ADK: variants seen among roughly 807,000 people sequenced by gnomAD.
The protein encoded by ADK is adenosine kinase.
ADK carries 24 observed loss-of-function variants against 44.7 expected under a neutral mutation model. That is an observed-to-expected ratio of 0.54 (90% CI 0.39 to 0.76). The LOEUF is 0.76. Ranked by LOEUF, ADK falls within the 30% of genes least tolerant of loss-of-function variation. ADK has a pLI of 0.00. For missense variants in ADK, 321 were observed against 425.1 expected (o/e 0.76, Z 2.15); for synonymous variants, 128 against 142.6 (o/e 0.90, Z 0.73).
At chr10:74,152,338 A>G (rs1841621206) in intron 1 of ADK, among the ~76,000 whole-genome samples, 1 of 152,202 alleles carries the variant, frequency 6.6e-6, no homozygotes, top group Non-Finnish European at 1.5e-5. Flanking sequence ...ACTACCCTCA[A>G]AGGGTTAGTG....
chr10:74,292,930 A>G (rs1436493732), intron 3 of ADK, among the ~76,000 whole-genome samples: 1 of 152,150 alleles, frequency 6.6e-6, no homozygotes, highest in African/African-American at 2.4e-5. Context: ...CGTAAGTCAG[A>G]TAATGACACT....
At chr10:74,608,063 G>A (rs534327434) in intron 9 of ADK, among the ~76,000 whole-genome samples, 2 of 151,698 alleles carry the variant, frequency 1.3e-5, no homozygotes, top group African/African-American at 2.4e-5. Context: ...TGTTCGTTCT[G>A]TGTTTTTCAG....
chr10:74,453,856 A>G (rs752636404), intron 6 of ADK, among the ~76,000 whole-genome samples: 1 of 152,086 alleles, frequency 6.6e-6, no homozygotes, highest in Non-Finnish European at 1.5e-5. Context: ...GATAGAAGCC[A>G]TAATTTGGAG....
At chr10:74,473,629 G>T (rs1846693952) in intron 6 of ADK, among the ~76,000 whole-genome samples, 2 of 152,174 alleles carry the variant, frequency 1.3e-5, no homozygotes, top group South Asian at 4.1e-4. Flanking sequence ...AAATTATGGG[G>T]TTTTGAGAAT....
chr10:74,628,168 A>G (rs1853283928), intron 9 of ADK, among the ~76,000 whole-genome samples: 1 of 152,134 alleles, frequency 6.6e-6, no homozygotes, highest in Non-Finnish European at 1.5e-5. Context: ...TCAGCTTCCT[A>G]TGTATTACTA....
chr10:74,615,680 CT>C (rs1852726989), intron 9 of ADK, among the ~76,000 whole-genome samples: 1 of 151,856 alleles, frequency 6.6e-6, no homozygotes, highest in Admixed American at 6.6e-5. Context: ...CATCTGCTTA[CT>C]GGTATTTGTT....
intron 7 of ADK, among the ~76,000 whole-genome samples, chr10:74,575,691 C>T (rs775649786): frequency 2.0e-5 from 3 of 152,108 alleles, no homozygotes; most frequent in South Asian, 2.1e-4. Context: ...GGGCAGGTTA[C>T]GAAGGACCTC....
chr10:74,686,764 C>T (rs1170253369), intron 10 of ADK, among the ~76,000 whole-genome samples: 2 of 152,042 alleles, frequency 1.3e-5, no homozygotes, highest in East Asian at 3.9e-4. Context: ...GCAACCTCTG[C>T]CTCTCGGGTT....
At chr10:74,695,480 GTGTGTGTGTGTGTGTGTATGTGTGTA>G (rs1053331094) in intron 10 of ADK, among the ~76,000 whole-genome samples, 1 of 151,724 alleles carries the variant, frequency 6.6e-6, no homozygotes, top group Admixed American at 6.6e-5. Flanking sequence ...ATATGTGTGT[GTGTGTGTGTGTGTGTGTATGTGTGTA>G]TGTGTGTATA....
intron 6 of ADK, among the ~76,000 whole-genome samples, chr10:74,462,465 A>C (rs953616254): frequency 2.6e-5 from 4 of 152,140 alleles, no homozygotes; most frequent in African/African-American, 9.6e-5. Flanking sequence ...GTGTGTGTAC[A>C]CAAGCCACAT....
intron 3 of ADK, among the ~76,000 whole-genome samples, chr10:74,229,555 G>A (rs1272844060): frequency 4.0e-5 from 6 of 151,088 alleles, no homozygotes; most frequent in South Asian, 2.1e-4. Flanking sequence ...CCACCACCAC[G>A]CCCGGCTAAT....
intron 6 of ADK, among the ~76,000 whole-genome samples, chr10:74,513,004 T>A (rs1848407719): frequency 6.6e-6 from 1 of 152,164 alleles, no homozygotes; most frequent in South Asian, 2.1e-4. Flanking sequence ...TATTCTTAAT[T>A]TCTTTCTTTA....
chr10:74,153,026 A>T (rs761440402), intron 1 of ADK, among the ~76,000 whole-genome samples: 3 of 149,026 alleles, frequency 2.0e-5, no homozygotes, highest in African/African-American at 2.6e-5. Context: ...AAGTGTGATA[A>T]TGCATTGAGT....
intron 6 of ADK, among the ~76,000 whole-genome samples, chr10:74,455,379 C>A (rs1845908705): frequency 6.6e-6 from 1 of 152,084 alleles, no homozygotes. Context: ...GCCTATAGTC[C>A]TAATTACTTG....
intron 9 of ADK, among the ~76,000 whole-genome samples, chr10:74,619,959 C>T (rs893969073): frequency 2.0e-5 from 3 of 152,140 alleles, no homozygotes; most frequent in Non-Finnish European, 2.9e-5. Flanking sequence ...TGAGCTTAAA[C>T]GATCCTCTCA....
At chr10:74,335,130 A>G (rs1411474506) in intron 4 of ADK, among the ~76,000 whole-genome samples, 1 of 152,166 alleles carries the variant, frequency 6.6e-6, no homozygotes, top group Non-Finnish European at 1.5e-5. Flanking sequence ...GTGCTGGTCT[A>G]CCTGCCCTGT....
chr10:74,495,525 C>A lies in ADK; in HGVS notation c.556-29731C>A, dbSNP rs117423239. 7.0e-3 allele frequency among the ~76,000 whole-genome samples: 1,059 copies of A among 152,286 alleles called. 7 individuals are homozygous for A. Among genetic ancestry groups the A allele is most frequent in the Non-Finnish European group, 0.012 (831 of 68,022 alleles). On this transcript the variant is annotated intron_variant, in intron 6 of 10. Coordinates refer to ENST00000539909, the MANE Select transcript of ADK (RefSeq NM_006721.4). ...TAATTTCTCCAAGGAAAAATGGATT[C>A]TCTAATTTTCTTTTTGGGTGAACTT...
chr10:74,458,492 G>A (rs56021808), intron 6 of ADK, among the ~76,000 whole-genome samples: 1 of 151,880 alleles, frequency 6.6e-6, no homozygotes, highest in Non-Finnish European at 1.5e-5. Context: ...AGATAACCAA[G>A]AAAATTTAAC....
chr10:74,397,805 G>T (rs905247484), intron 5 of ADK, among the ~76,000 whole-genome samples: 2 of 152,206 alleles, frequency 1.3e-5, no homozygotes, highest in Non-Finnish European at 2.9e-5. Flanking sequence ...CTCTGAAAGA[G>T]CTGGGATTTC....
Sources: allele counts gnomAD v4.1 joint callset (sites outside exome capture counted in the v4.1 genomes callset), GRCh38; gene constraint gnomAD v4.1.1; transcripts MANE v1.5; gene names NCBI Gene and HGNC (gene_info 2026-07-23, HGNC 2026-07-21).